RPH3AL: variants seen among roughly 807,000 people sequenced by gnomAD.
RPH3AL encodes rabphilin 3A like (without C2 domains).
RPH3AL carries 38 observed loss-of-function variants against 43.1 expected under a neutral mutation model. That is an observed-to-expected ratio of 0.88 (90% CI 0.68 to 1.15). The LOEUF (loss-of-function observed/expected upper bound fraction) is 1.15, where lower values mean the gene tolerates loss of function less well. Ranked by LOEUF, RPH3AL falls within the 50% of genes most tolerant of loss-of-function variation. The pLI is 0.00. For missense variants in RPH3AL, 462 were observed against 423.2 expected, an observed-to-expected ratio of 1.09 and a Z score of -0.81; for synonymous variants, 189 against 176.3, an observed-to-expected ratio of 1.07 and a Z score of -0.57.
chr17:280,438 G>A (rs921544924), intron 6 of RPH3AL, among the ~76,000 whole-genome samples: 10 of 152,312 alleles, frequency 6.6e-5, no homozygotes, highest in Non-Finnish European at 1.5e-4. Context: ...GAGGGTCTGG[G>A]AATAATCCCA....
intron 2 of RPH3AL, among the ~76,000 whole-genome samples, chr17:329,564 C>G (rs977813162): frequency 6.6e-6 from 1 of 152,190 alleles, no homozygotes; most frequent in African/African-American, 2.4e-5. Flanking sequence ...GAAATTAAAA[C>G]TGAGAAAATC....
rs554389071 is a variant in RPH3AL at position 260,024 on chromosome 17, T to C, written c.439-12739A>G. Among the ~76,000 whole-genome samples the C allele has an allele frequency of 4.6e-5, 7 of 152,266 alleles. No individual in the cohort carries two copies. In the South Asian group the frequency reaches 1.4e-3, roughly 32 times the overall value. On this transcript the variant is annotated intron_variant, in intron 6 of 9. Transcript: ENST00000331302. ...GGGAGCCTGAAGACCCCTCTCTCTG[T>C]CCATTGTCCACCCCTTCCATGTGTC...
chr17:260,737 T>G (rs1412921842), intron 6 of RPH3AL, among the ~76,000 whole-genome samples: 1 of 152,068 alleles, frequency 6.6e-6, no homozygotes, highest in Non-Finnish European at 1.5e-5. Flanking sequence ...CCAGGAACCC[T>G]AAGAGGCAAG....
chr17:250,917 C>G (rs2041888466), intron 6 of RPH3AL, among the ~76,000 whole-genome samples: 1 of 152,264 alleles, frequency 6.6e-6, no homozygotes, highest in Non-Finnish European at 1.5e-5. Flanking sequence ...GCTGCAGGAC[C>G]TCTCAGAGCC....
intron 6 of RPH3AL, among the ~76,000 whole-genome samples, chr17:275,248 AC>A: frequency 1.1e-4 from 10 of 90,488 alleles, no homozygotes; most frequent in Admixed American, 3.0e-4. Context: ...AAAACAAAAA[AC>A]AAAAAAAGGA....
Position 215,345 on chromosome 17 carries a change from C to A in RPH3AL, c.876+309G>T, listed in dbSNP as rs2040770878. Among the ~76,000 whole-genome samples the A allele has an allele frequency of 6.6e-6, 1 of 152,190 alleles. No homozygotes were observed. Among genetic ancestry groups the A allele is most frequent in the Non-Finnish European group, 1.5e-5 (1 of 68,036 alleles). On this transcript the variant is annotated intron_variant, in intron 9 of 9. Transcript: ENST00000331302. This position sits in a 1 kb window ranked among gnomAD's most constrained non-coding sequence, Gnocchi z 4.1. Reference sequence around the variant, plus strand: ...TCAAATGGGACAATAAGCCTCCCAGCCACTCTGCCAAGAGAATGAAAGTTC... The same window carrying A: ...TCAAATGGGACAATAAGCCTCCCAGACACTCTGCCAAGAGAATGAAAGTTC...
intron 5 of RPH3AL, among the ~76,000 whole-genome samples, chr17:294,869 G>C (rs371793529): frequency 0.047 from 1,023 of 21,566 alleles, 27 homozygotes; most frequent in Middle Eastern, 0.31. Context: ...GGGAGGGACA[G>C]AGATGCTGCA....
At chr17:261,387 C>T (rs1555546187) in intron 6 of RPH3AL, among the ~76,000 whole-genome samples, 1 of 152,234 alleles carries the variant, frequency 6.6e-6, no homozygotes, top group Non-Finnish European at 1.5e-5. Context: ...AGCGGGAACA[C>T]AGCCAGCTGC....
At chr17:303,514 G>T in intron 5 of RPH3AL, among the ~76,000 whole-genome samples, 1 of 131,836 alleles carries the variant, frequency 7.6e-6, no homozygotes, top group Admixed American at 7.5e-5. Flanking sequence ...AATAATTATT[G>T]AGCAGTGACC....
At chr17:291,881 T>A (rs539941694) in intron 5 of RPH3AL, among the ~76,000 whole-genome samples, 12 of 152,334 alleles carry the variant, frequency 7.9e-5, no homozygotes, top group Non-Finnish European at 1.2e-4. Flanking sequence ...AGTCTATATA[T>A]ACACAGAGGA....
intron 5 of RPH3AL, among the ~76,000 whole-genome samples, chr17:284,482 G>A (rs2042858114): frequency 6.6e-6 from 1 of 152,132 alleles, no homozygotes; most frequent in South Asian, 2.1e-4. Flanking sequence ...AGGTGCCAGG[G>A]GCCGACCCTG....
intron 6 of RPH3AL, among the ~76,000 whole-genome samples, chr17:280,108 T>C (rs991804952): frequency 9.2e-5 from 14 of 152,172 alleles, no homozygotes; most frequent in African/African-American, 3.1e-4. Context: ...AAGATCTATA[T>C]CTCCATGGAT....
At chr17:318,385 G>T (rs1252629194) in intron 5 of RPH3AL, among the ~76,000 whole-genome samples, 4 of 152,030 alleles carry the variant, frequency 2.6e-5, no homozygotes, top group Admixed American at 2.0e-4. Flanking sequence ...CCGTCTCTGG[G>T]GGTGGAAAAA....
At chr17:326,262 G>A (rs992133591) in intron 3 of RPH3AL, among the ~76,000 whole-genome samples, 11 of 152,238 alleles carry the variant, frequency 7.2e-5, no homozygotes, top group Non-Finnish European at 1.3e-4. Context: ...GCATGACTCC[G>A]CTCTCCTGGG....
chr17:319,448 G>C lies in RPH3AL; in HGVS notation c.323C>G (p.Ser108Trp). 1 of 1,612,516 alleles carries C rather than the reference G, an allele frequency of 6.2e-7. No homozygotes were observed. The highest frequency in any genetic ancestry group is 8.5e-7 in the Non-Finnish European group (1 of 1,179,866). Residue 108 changes from serine to tryptophan, a missense_variant, in exon 5 of 10, where the codon TCG becomes TGG. Coordinates refer to ENST00000331302, the MANE Select transcript of RPH3AL (RefSeq NM_006987.4). ...CCTGCAGTCTTTGCAGAACACCGAC[G>C]AGCTGCCCAGGAAGCCCAGCACCTC... ...CGEVLGFLGS[S>W]SVFCKDCRKK... is the part of the protein sequence containing the mutation.
intron 5 of RPH3AL, among the ~76,000 whole-genome samples, chr17:286,605 C>T (rs1035416892): frequency 1.3e-5 from 2 of 152,202 alleles, no homozygotes; most frequent in Admixed American, 6.5e-5. Context: ...GAAAACGAAA[C>T]AGGTGGTATT....
intron 1 of RPH3AL, among the ~76,000 whole-genome samples, chr17:351,980 A>G (rs2045362479): frequency 6.6e-6 from 1 of 152,184 alleles, no homozygotes; most frequent in South Asian, 2.1e-4. Flanking sequence ...CCGTGCTTAC[A>G]TCCTGACAAC....
chr17:267,766 G>T (rs2042357768), intron 6 of RPH3AL, among the ~76,000 whole-genome samples: 1 of 152,076 alleles, frequency 6.6e-6, no homozygotes, highest in Non-Finnish European at 1.5e-5. Context: ...TAGCTCTTTG[G>T]TTTTTCCCTG....
chr17:219,670 G>A lies in RPH3AL; in HGVS notation c.680C>T (p.Ser227Phe). Residue 227 changes from serine (S) to phenylalanine (F), a missense_variant, in exon 8 of 10, where the codon TCC becomes TTC. Ser to Phe is a radical substitution (Grantham distance 155). Transcript: ENST00000331302. ...GCCTTTCCGGTCCCTGACCCCAGTG[G>A]ATGGGAGTCTGTCCTCTAGGCTGGA... ...SSSSLEDRLPSTGVRDRKGDK... is the reference protein window; with the variant it reads ...SSSSLEDRLPFTGVRDRKGDK... 6.2e-7 allele frequency: 1 copy of A among 1,613,580 alleles called. No homozygotes were observed. The highest frequency in any genetic ancestry group is 8.5e-7 in the Non-Finnish European group (1 of 1,179,876).
Sources: allele counts gnomAD v4.1 joint callset (sites outside exome capture counted in the v4.1 genomes callset), GRCh38; gene constraint gnomAD v4.1.1; non-coding constraint Gnocchi (gnomAD v3.1); transcripts MANE v1.5; gene names NCBI Gene and HGNC (gene_info 2026-07-23, HGNC 2026-07-21).